ATRNL1: variants seen among roughly 807,000 people sequenced by gnomAD.
ATRNL1 encodes attractin like 1, also known as attractin-like protein 1.
In ATRNL1, 95 loss-of-function variants were observed where a neutral mutation model predicts 182.7. The observed-to-expected ratio is 0.52, with a 90% CI of 0.44 to 0.62. The LOEUF is 0.62. ATRNL1 is among the 20% of genes least tolerant of loss of function. ATRNL1 has a pLI of 0.00. For missense variants in ATRNL1, 1,471 were observed against 1,679.5 expected (o/e 0.88, Z 2.17); for synonymous variants, 576 against 568.3 (o/e 1.01, Z -0.19).
chr10:115,378,770 C>G (rs1350761200), intron 19 of ATRNL1, among the ~76,000 whole-genome samples: 5 of 152,128 alleles, frequency 3.3e-5, no homozygotes, highest in Non-Finnish European at 5.9e-5. Flanking sequence ...GAACTTTTGT[C>G]TTTGTTAGAA....
chr10:115,572,305 G>C (rs1390540971), intron 26 of ATRNL1, among the ~76,000 whole-genome samples: 2 of 151,988 alleles, frequency 1.3e-5, no homozygotes, highest in African/African-American at 4.8e-5. Flanking sequence ...TGGAGCCCAG[G>C]GTATAAGAGA....
intron 27 of ATRNL1, among the ~76,000 whole-genome samples, chr10:115,823,132 C>G (rs1219916166): frequency 6.6e-6 from 1 of 152,122 alleles, no homozygotes; most frequent in Non-Finnish European, 1.5e-5. Context: ...TCAACATACG[C>G]TAATCAATAA....
chr10:115,350,334 C>CACAA (rs1856176830), intron 19 of ATRNL1, among the ~76,000 whole-genome samples: 3 of 29,734 alleles, frequency 1.0e-4, no homozygotes, highest in African/African-American at 5.3e-4. Context: ...GACTCTGTCT[C>CACAA]AAAAAAAAAA....
At chr10:115,117,450 TATA>T (rs1358551984) in intron 1 of ATRNL1, among the ~76,000 whole-genome samples, 1 of 152,132 alleles carries the variant, frequency 6.6e-6, no homozygotes, top group Non-Finnish European at 1.5e-5. Flanking sequence ...AGTGAGAACA[TATA>T]ATGTTTATCT....
intron 28 of ATRNL1, among the ~76,000 whole-genome samples, chr10:115,918,563 A>G (rs1555117977): frequency 6.6e-6 from 1 of 152,236 alleles, no homozygotes; most frequent in Non-Finnish European, 1.5e-5. Context: ...TAGAATTTTT[A>G]GAATTCACCA....
At chr10:115,110,619 A>G (rs1844215762) in intron 1 of ATRNL1, among the ~76,000 whole-genome samples, 2 of 152,182 alleles carry the variant, frequency 1.3e-5, no homozygotes, top group Admixed American at 1.3e-4. Context: ...GAGATAATAA[A>G]TGGATGTTCT....
intron 27 of ATRNL1, among the ~76,000 whole-genome samples, chr10:115,740,713 C>T (rs1948112595): frequency 2.6e-5 from 4 of 151,956 alleles, no homozygotes; most frequent in Admixed American, 2.6e-4. Context: ...ACCATGTTGG[C>T]CAGGCTGGCC....
At chr10:115,518,048 G>A (rs572285738) in intron 24 of ATRNL1, among the ~76,000 whole-genome samples, 16 of 151,944 alleles carry the variant, frequency 1.1e-4, no homozygotes, top group African/African-American at 3.9e-4. Flanking sequence ...ACATGTACAT[G>A]CCAAAGAATC....
At chr10:115,624,156 G>A (rs1555023919) in intron 26 of ATRNL1, among the ~76,000 whole-genome samples, 1 of 151,710 alleles carries the variant, frequency 6.6e-6, no homozygotes, top group East Asian at 1.9e-4. Flanking sequence ...AAAGTGCTTT[G>A]GACCCACTAA....
At chr10:115,324,028 T>C (rs1854738161) in intron 18 of ATRNL1, among the ~76,000 whole-genome samples, 1 of 152,034 alleles carries the variant, frequency 6.6e-6, no homozygotes, top group Non-Finnish European at 1.5e-5. Context: ...CTGCCCGCCT[T>C]GGCCTCCCAA....
intron 1 of ATRNL1, among the ~76,000 whole-genome samples, chr10:115,114,651 A>G (rs1434022273): frequency 2.0e-5 from 3 of 152,236 alleles, no homozygotes; most frequent in African/African-American, 7.2e-5. Flanking sequence ...GCTCAACATT[A>G]CTAATCATCA....
chr10:115,944,277 T>G (rs1953817318), intron 28 of ATRNL1, among the ~76,000 whole-genome samples: 1 of 53,844 alleles, frequency 1.9e-5, no homozygotes, highest in Non-Finnish European at 3.7e-5. Context: ...CATGACTAGT[T>G]TTGTTCCTAA....
intron 27 of ATRNL1, among the ~76,000 whole-genome samples, chr10:115,774,116 C>T (rs782116390): frequency 3.3e-5 from 5 of 152,060 alleles, no homozygotes; most frequent in Non-Finnish European, 4.4e-5. Flanking sequence ...TTTCCCCAGC[C>T]CCAGGTGTGG....
At chr10:115,601,756 A>T (rs1856605073) in intron 26 of ATRNL1, among the ~76,000 whole-genome samples, 1 of 152,134 alleles carries the variant, frequency 6.6e-6, no homozygotes, top group Admixed American at 6.5e-5. Context: ...TATTTAATTT[A>T]AAAGTAGTTT....
intron 21 of ATRNL1, among the ~76,000 whole-genome samples, chr10:115,437,894 A>G (rs934667510): frequency 6.6e-6 from 1 of 151,992 alleles, no homozygotes. Context: ...GAGCAGTCCT[A>G]TGACATAGGC....
At chr10:115,662,367 T>C (rs1022329456) in intron 26 of ATRNL1, among the ~76,000 whole-genome samples, 2 of 152,136 alleles carry the variant, frequency 1.3e-5, no homozygotes, top group Admixed American at 1.3e-4. Context: ...TTGGTGGGAC[T>C]GTAAACTAGT....
At position 115,598,556 on chromosome 10, in the gene ATRNL1, G is replaced by T. The variant is rs1405788527; in HGVS notation, c.3795+49020G>T. On this transcript the variant is annotated intron_variant, in intron 26 of 28. Transcript: ENST00000355044. Reference sequence around the variant, plus strand: ...TTTTTGCATTTTTAGTAGAGACGGGGTTTCACCATGTTGGGCAGGATGGTC... The same window carrying T: ...TTTTTGCATTTTTAGTAGAGACGGGTTTTCACCATGTTGGGCAGGATGGTC... Among the ~76,000 whole-genome samples, 3 of 151,560 alleles carry T rather than the reference G, an allele frequency of 2.0e-5. No homozygotes were observed. In the East Asian group the frequency reaches 5.8e-4, roughly 29 times the overall value.
chr10:115,581,131 G>A (rs1855047318), intron 26 of ATRNL1, among the ~76,000 whole-genome samples: 1 of 152,118 alleles, frequency 6.6e-6, no homozygotes, highest in African/African-American at 2.4e-5. Flanking sequence ...CAGTCTGTAA[G>A]ACAACTGTCT....
chr10:115,559,337 C>CAA (rs1853523281), intron 26 of ATRNL1, among the ~76,000 whole-genome samples: 2 of 152,188 alleles, frequency 1.3e-5, no homozygotes, highest in Non-Finnish European at 2.9e-5. Context: ...ACATCTAGCA[C>CAA]CCAGATCTTG....
Sources: gnomAD v4.1 joint callset for allele counts (sites outside exome capture counted in the v4.1 genomes callset) on GRCh38, gnomAD v4.1.1 for gene constraint, MANE v1.5 for transcripts, NCBI Gene and HGNC (gene_info 2026-07-23, HGNC 2026-07-21) for gene names.